Variants in NAALADL2 observed in about 807,000 individuals in gnomAD.
NAALADL2 encodes inactive N-acetylated-alpha-linked acidic dipeptidase-like protein 2.
NAALADL2 carries 76 observed loss-of-function variants against 87.2 expected under a neutral mutation model. That is an observed-to-expected ratio of 0.87 (90% CI 0.72 to 1.05). The LOEUF (loss-of-function observed/expected upper bound fraction) is 1.05. Ranked by LOEUF, NAALADL2 falls within the 50% of genes least tolerant of loss-of-function variation. The pLI, the probability that NAALADL2 is intolerant of heterozygous loss-of-function variation, is 0.00. For missense variants in NAALADL2, 1,089 were observed against 945.8 expected (o/e 1.15, Z -1.99); for synonymous variants, 354 against 331.0 (o/e 1.07, Z -0.75).
intron 4 of NAALADL2, among the ~76,000 whole-genome samples, chr3:175,269,744 G>A (rs1752516792): frequency 6.6e-6 from 1 of 152,164 alleles, no homozygotes; most frequent in African/African-American, 2.4e-5. Flanking sequence ...AGCTAGTGCT[G>A]TTATTCCAAA....
At chr3:175,471,511 AAG>A in intron 8 of NAALADL2, 126 bp from the exon 9 acceptor site, 5 of 601,020 alleles carry the variant, frequency 8.3e-6, no homozygotes, top group South Asian at 6.3e-5. Context: ...GAAAAAAAAA[AAG>A]AAGGTAATTA....
chr3:175,155,839 T>G (rs1365355837), intron 2 of NAALADL2, among the ~76,000 whole-genome samples: 3 of 152,162 alleles, frequency 2.0e-5, no homozygotes, highest in African/African-American at 7.2e-5. Context: ...AGCATTGTGA[T>G]GTTTTTTAAA....
chr3:175,575,262 TTTTTTA>T (rs1228013947), intron 9 of NAALADL2, among the ~76,000 whole-genome samples: 6 of 151,988 alleles, frequency 3.9e-5, no homozygotes, highest in African/African-American at 7.2e-5. Flanking sequence ...TCTTCTCTAG[TTTTTTA>T]TTTTTATTTT....
intron 11 of NAALADL2, among the ~76,000 whole-genome samples, chr3:175,712,057 T>C (rs1296932719): frequency 1.3e-5 from 2 of 151,976 alleles, no homozygotes; most frequent in Non-Finnish European, 2.9e-5. Context: ...AATGATAAGT[T>C]ATATAAGATA....
intron 9 of NAALADL2, among the ~76,000 whole-genome samples, chr3:175,489,703 C>T (rs1727778864): frequency 6.6e-6 from 1 of 152,098 alleles, no homozygotes; most frequent in Non-Finnish European, 1.5e-5. Flanking sequence ...TAGAAGTAAG[C>T]TAAGTTTGCA....
chr3:174,763,762 A>T (rs554521530), intron 3 of NAALADL2, among the ~76,000 whole-genome samples: 2 of 151,152 alleles, frequency 1.3e-5, no homozygotes, highest in East Asian at 3.9e-4. Flanking sequence ...AATGATTTGA[A>T]ATTGGATTTA....
chr3:175,338,594 CAAAA>C (rs59687897), intron 5 of NAALADL2, among the ~76,000 whole-genome samples: 14 of 41,982 alleles, frequency 3.3e-4, no homozygotes, highest in African/African-American at 1.0e-3. Flanking sequence ...ATACAAAAAC[CAAAA>C]AAAAAAAAAA....
chr3:174,748,270 T>C (rs1734474807), intron 3 of NAALADL2, among the ~76,000 whole-genome samples: 1 of 152,082 alleles, frequency 6.6e-6, no homozygotes, highest in African/African-American at 2.4e-5. Context: ...CATGTTTACC[T>C]ATGTAAGGAA....
chr3:175,809,623 C>G lies in NAALADL2; in HGVS notation c.*6420C>G, dbSNP rs150407039. 299 of 151,020 alleles carry G rather than the reference C, an allele frequency of 2.0e-3. 1 individual carries two copies. The highest frequency in any genetic ancestry group is 6.6e-3 in the African/African-American group (273 of 41,216). 9.4% of individuals were successfully genotyped at this position (151,020 alleles called of 1,614,324 possible). A position where few individuals can be genotyped will look rare whatever the true frequency, so the allele number is the denominator to read the frequency against. ...GGCTGAGGCGGAAGAATCATTTGGGCCCAAAAGTTTGAAGCTGCAGTGAGC... is the reference window on the plus strand; with the variant it reads ...GGCTGAGGCGGAAGAATCATTTGGGGCCAAAAGTTTGAAGCTGCAGTGAGC... On this transcript the variant is annotated 3_prime_UTR_variant, in exon 14 of 14. Transcript: ENST00000454872.
At chr3:175,110,027 G>A (rs1270309634) in intron 2 of NAALADL2, among the ~76,000 whole-genome samples, 1 of 151,762 alleles carries the variant, frequency 6.6e-6, no homozygotes, top group East Asian at 1.9e-4. Context: ...TTTATTTAAA[G>A]TTCTACTTTT....
chr3:174,450,281 T>C (rs1715391570), intron 1 of NAALADL2, among the ~76,000 whole-genome samples: 2 of 152,240 alleles, frequency 1.3e-5, no homozygotes. Context: ...GTGCTGCGCC[T>C]GAGGATAGAG....
chr3:175,792,059 T>C (rs1247896212), intron 13 of NAALADL2, among the ~76,000 whole-genome samples: 2 of 152,228 alleles, frequency 1.3e-5, no homozygotes, highest in Admixed American at 1.3e-4. Flanking sequence ...GAGATGATTT[T>C]ACTTTTTAAA....
chr3:175,547,591 G>A (rs535932674), intron 9 of NAALADL2, among the ~76,000 whole-genome samples: 32 of 152,124 alleles, frequency 2.1e-4, no homozygotes, highest in South Asian at 1.0e-3. Flanking sequence ...CTTCTGCACC[G>A]CAAAATAAAC....
intron 2 of NAALADL2, among the ~76,000 whole-genome samples, chr3:174,603,559 T>C (rs1718664074): frequency 6.6e-6 from 1 of 151,994 alleles, no homozygotes. Flanking sequence ...AACCAACTTT[T>C]AATTTCATTT....
rs1746541354 is a variant in NAALADL2 at position 175,750,893 on chromosome 3, C to A, written c.1991-4327C>A. Among the ~76,000 whole-genome samples, 2 of 152,022 alleles carry A rather than the reference C, an allele frequency of 1.3e-5. 1 individual carries two copies. Among genetic ancestry groups the A allele is most frequent in the South Asian group, 4.1e-4 (2 of 4,826 alleles). On this transcript the variant is annotated intron_variant, in intron 12 of 13. Transcript: ENST00000454872. ...CTATGTCTTTGCTTCTTTCTCAGTA[C>A]TTTTAGAATAACATATAAAAAAGGA... is the stretch of plus-strand genomic sequence containing the variant.
chr3:175,622,797 A>C (rs1482449661), intron 10 of NAALADL2, among the ~76,000 whole-genome samples: 1 of 152,154 alleles, frequency 6.6e-6, no homozygotes, highest in African/African-American at 2.4e-5. Flanking sequence ...AATGTGTATT[A>C]AAGCATCACA....
In NAALADL2 at chr3:174,767,645, G is replaced by A. The variant is rs145721970; in HGVS notation, c.-9+29899G>A. Among the ~76,000 whole-genome samples, 1,039 of 152,220 alleles carry A rather than the reference G, an allele frequency of 6.8e-3. 9 individuals carry two copies. Among genetic ancestry groups the A allele is most frequent in the Middle Eastern group, 0.027 (8 of 294 alleles). ...TGGGGCCATGGCTTACCACATTTAC[G>A]TACAAGAGACAGTGCCTGATATTGG... On this transcript the variant is annotated intron_variant, in intron 3 of 3. Coordinates refer to the NAALADL2 transcript ENST00000434257.
intron 11 of NAALADL2, among the ~76,000 whole-genome samples, chr3:175,673,698 C>T (rs188898980): frequency 0.016 from 2,386 of 152,028 alleles, 29 homozygotes; most frequent in Non-Finnish European, 0.025. Context: ...AACACAATTC[C>T]TCTCCTTATG....
At chr3:174,815,110 C>A (rs889603374) in intron 3 of NAALADL2, among the ~76,000 whole-genome samples, 11 of 152,166 alleles carry the variant, frequency 7.2e-5, no homozygotes, top group African/African-American at 2.2e-4. Context: ...AGTTTTATAG[C>A]ATCCTTGGGC....
Sources: allele counts gnomAD v4.1 joint callset (sites outside exome capture counted in the v4.1 genomes callset), GRCh38; gene constraint gnomAD v4.1.1; transcripts MANE v1.5; gene names NCBI Gene and HGNC (gene_info 2026-07-23, HGNC 2026-07-21).